NUP188: variants seen among roughly 807,000 people sequenced by gnomAD.
NUP188 encodes nucleoporin NUP188.
In NUP188, 97 loss-of-function variants were observed where a neutral mutation model predicts 223.0. That is an observed-to-expected ratio of 0.43 (90% CI 0.37 to 0.51). The LOEUF is 0.51. NUP188 is among the 20% of genes least tolerant of loss of function. The pLI is 0.00. For missense variants in NUP188, 1,947 were observed against 2,175.6 expected, an observed-to-expected ratio of 0.89 and a Z score of 2.09; for synonymous variants, 869 against 828.0, an observed-to-expected ratio of 1.05 and a Z score of -0.85.
chr9:128,999,942 G>C, intron 34 of NUP188, 137 bp downstream of exon 34: 1 of 760,496 alleles, frequency 1.3e-6, no homozygotes, highest in Non-Finnish European at 2.1e-6. Context: ...AAGGTTAATA[G>C]ATCAGACACT....
At chr9:128,961,308 C>T (rs1046440319) in intron 8 of NUP188, among the ~76,000 whole-genome samples, 6 of 150,002 alleles carry the variant, frequency 4.0e-5, no homozygotes, top group Admixed American at 1.3e-4. Flanking sequence ...CCAGCCTAGG[C>T]GACAGAGCAA....
At position 128,982,699 on chromosome 9, in the gene NUP188, C is replaced by T; in HGVS notation, c.1667C>T (p.Ala556Val). Reference sequence around the variant, plus strand: ...ATGTTGCTTCATGTTGTTTCAACTGCAGGTAAGGTCAGCTTTCGGAAACAT... The same window carrying T: ...ATGTTGCTTCATGTTGTTTCAACTGTAGGTAAGGTCAGCTTTCGGAAACAT... Reference protein sequence around the residue: ...IEMLLHVVSTADVIQHCQRVK... With the variant: ...IEMLLHVVSTVDVIQHCQRVK... The change falls in exon 16 of 44, where the codon GCA becomes GTA. Residue 556 changes from alanine to valine, a missense_variant and splice_region_variant. Transcript: ENST00000372577. The T allele has an allele frequency of 3.1e-6, 5 of 1,613,448 alleles. No individual in the cohort carries two copies. The highest frequency in any genetic ancestry group is 4.2e-6 in the Non-Finnish European group (5 of 1,179,846).
chr9:128,984,416 G>T (rs778794106), intron 19 of NUP188, among the ~76,000 whole-genome samples: 5 of 152,138 alleles, frequency 3.3e-5, no homozygotes, highest in Non-Finnish European at 7.3e-5. Flanking sequence ...ATGAGCCATG[G>T]TGCCCGGCCG....
At position 129,003,431 on chromosome 9, in the gene NUP188, CCTCAG is replaced by C. The variant is rs746889428; in HGVS notation, c.4416_4420del (p.Gln1472HisfsTer3). The C allele has an allele frequency of 8.1e-6, 13 of 1,612,112 alleles. No individual in the cohort carries two copies. Among genetic ancestry groups the C allele is most frequent in the Non-Finnish European group, 9.3e-6 (11 of 1,179,996 alleles). ...CATGAAGGAGTGGCACTTCCACCTGCCTCAGCTCATGCGTGATATCCAGGTGGGGG... is the reference window on the plus strand; with the variant it reads ...CATGAAGGAGTGGCACTTCCACCTGCCTCATGCGTGATATCCAGGTGGGGG... On this transcript the variant is annotated frameshift_variant, in exon 38 of 44. Coordinates refer to ENST00000372577, the MANE Select transcript of NUP188 (RefSeq NM_015354.3). LOFTEE classifies it high-confidence loss of function.
chr9:128,959,818 A>G (rs992910892), intron 8 of NUP188, among the ~76,000 whole-genome samples: 1 of 152,122 alleles, frequency 6.6e-6, no homozygotes, highest in African/African-American at 2.4e-5. Flanking sequence ...GGTTATGGGC[A>G]TGAGCCACTG....
chr9:129,004,295 A>C lies in NUP188; in HGVS notation c.4434+841A>C, dbSNP rs1485883123. ...AGACTCCGTCTCAAAAAAAAAAAAA[A>C]AAAACTAAACTAAACAAAACCAAAA... On this transcript the variant is annotated intron_variant, in intron 38 of 43. Coordinates refer to ENST00000372577, the MANE Select transcript of NUP188 (RefSeq NM_015354.3). Among the ~76,000 whole-genome samples, 3 of 151,710 alleles carry C rather than the reference A, an allele frequency of 2.0e-5. No individual in the cohort carries two copies. The East Asian group carries it at 5.8e-4, about 29-fold the overall frequency.
At chr9:128,982,374 G>A (rs1022592861) in intron 15 of NUP188, among the ~76,000 whole-genome samples, 175 bp from the exon 16 acceptor site, 4 of 151,734 alleles carry the variant, frequency 2.6e-5, no homozygotes, top group Non-Finnish European at 5.9e-5. Flanking sequence ...AGGTTGCAGC[G>A]AGCCGAGATC....
In NUP188 at chr9:128,979,299, C is replaced by T; in HGVS notation, c.1241C>T (p.Pro414Leu). 6.2e-7 allele frequency: 1 copy of T among 1,612,552 alleles called. No homozygotes were observed. The highest frequency in any genetic ancestry group is 1.1e-5 in the South Asian group (1 of 90,994). ...ACAGCATGTGAAGTATTGGCCGACCCTTCTCTTCCGGAACTGTTCTGGGGA... is the reference window on the plus strand; with the variant it reads ...ACAGCATGTGAAGTATTGGCCGACCTTTCTCTTCCGGAACTGTTCTGGGGA... Reference protein sequence around the residue: ...IDTACEVLADPSLPELFWGTE... With the variant: ...IDTACEVLADLSLPELFWGTE... Residue 414 changes from proline to leucine, a missense_variant, in exon 13 of 44, where the codon CCT (proline) becomes CTT (leucine). By Grantham distance (98) the Pro-to-Leu change is moderately conservative. Around this residue, in one of 3 missense-constraint regions of NUP188, gnomAD observed 817 missense variants for 865.8 expected, o/e 0.94. Transcript: ENST00000372577.
At chr9:128,978,834 CAAGT>C (rs1228322409) in intron 12 of NUP188, among the ~76,000 whole-genome samples, 3 of 152,056 alleles carry the variant, frequency 2.0e-5, no homozygotes, top group African/African-American at 7.2e-5. Flanking sequence ...CTCAGCCACT[CAAGT>C]AGCTGGGATT....
intron 8 of NUP188, among the ~76,000 whole-genome samples, chr9:128,963,282 ATTTTTTTT>A (rs1177267491): frequency 7.2e-6 from 1 of 138,782 alleles, no homozygotes; most frequent in African/African-American, 2.7e-5. Flanking sequence ...GTAAATGTAA[ATTTTTTTT>A]TTTTTTTTTT....
chr9:128,993,349 C>T lies in NUP188; in HGVS notation c.2793C>T (p.Gly931=), dbSNP rs1303610884. Residue 931 remains glycine, a synonymous_variant, in exon 26 of 44, where the codon GGC becomes GGT. Coordinates refer to ENST00000372577, the MANE Select transcript of NUP188 (RefSeq NM_015354.3). The stretch of plus-strand genomic sequence containing the variant: ...CTGTTGCAGTAGAGACCCAGCCAGG[C>T]CTCATCGAACTGTTTCTGAACCTGG... ...FLTVAVETQP[G]LIELFLNLEV... is the part of the protein sequence containing the mutation. The T allele has an allele frequency of 6.2e-7, 1 of 1,614,126 alleles. No homozygotes were observed. Among genetic ancestry groups the T allele is most frequent in the East Asian group, 2.2e-5 (1 of 44,890 alleles).
chr9:129,006,480 C>T, intron 43 of NUP188, 22 bp from the exon 44 acceptor site: 1 of 1,611,360 alleles, frequency 6.2e-7, no homozygotes, highest in Non-Finnish European at 8.5e-7. Flanking sequence ...TGAGCCTCAC[C>T]AAGCCACTTT....
At chr9:128,950,629 G>A (rs753607116) in intron 2 of NUP188, among the ~76,000 whole-genome samples, 1 of 152,070 alleles carries the variant, frequency 6.6e-6, no homozygotes, top group Non-Finnish European at 1.5e-5. Flanking sequence ...TCAATTGAGT[G>A]CACAAGCTCA....
In NUP188 at chr9:128,988,000, G is replaced by T. The variant is rs757051821; in HGVS notation, c.2394-47G>T. 103 of 1,600,862 alleles carry T rather than the reference G, an allele frequency of 6.4e-5. No individual in the cohort carries two copies. The South Asian group carries it at 1.0e-3, about 16-fold the overall frequency. On this transcript the variant is annotated intron_variant, in intron 23 of 43. Coordinates refer to ENST00000372577, the MANE Select transcript of NUP188 (RefSeq NM_015354.3). ...TCATGAGAGCACATATATTGCGAAT[G>T]AAGTCATACTGTCTGAATCATCTTT...
chr9:128,972,101 C>T (rs183569169), intron 11 of NUP188, among the ~76,000 whole-genome samples: 3 of 152,276 alleles, frequency 2.0e-5, no homozygotes, highest in Non-Finnish European at 4.4e-5. Context: ...TTGGTTGGTA[C>T]GCATTTGCCC....
At chr9:128,952,675 T>C in intron 2 of NUP188, 98 bp from the exon 3 acceptor site, 1 of 964,354 alleles carries the variant, frequency 1.0e-6, no homozygotes, top group Non-Finnish European at 1.6e-6. Context: ...GTCAGCCAAG[T>C]TGGTGCCACT....
At chr9:128,956,585 T>C (rs1841874694) in intron 4 of NUP188, 151 bp downstream of exon 4, 1 of 557,992 alleles carries the variant, frequency 1.8e-6, no homozygotes, top group Non-Finnish European at 3.1e-6. Flanking sequence ...TCCCTAAAAG[T>C]TACAAGTCAA....
intron 36 of NUP188, among the ~76,000 whole-genome samples, chr9:129,002,581 T>C (rs1444826401): frequency 2.6e-5 from 4 of 152,260 alleles, no homozygotes; most frequent in African/African-American, 7.2e-5. Context: ...CAGGTTCGCA[T>C]AGCTCGTCAG....
intron 36 of NUP188, among the ~76,000 whole-genome samples, chr9:129,002,389 C>T (rs960568095): frequency 6.6e-6 from 1 of 152,210 alleles, no homozygotes; most frequent in Non-Finnish European, 1.5e-5. Flanking sequence ...CTTGATGGGG[C>T]CTCAGCACCC....
Sources: allele counts gnomAD v4.1 joint callset (sites outside exome capture counted in the v4.1 genomes callset), GRCh38; gene constraint gnomAD v4.1.1; regional missense constraint gnomAD v4.1.1; transcripts MANE v1.5; gene names NCBI Gene and HGNC (gene_info 2026-07-23, HGNC 2026-07-21).